Variants in DGKB observed in about 807,000 individuals in gnomAD.
DGKB encodes the protein diacylglycerol kinase beta.
Under a neutral mutation model 114.3 loss-of-function variants are expected in DGKB, and 67 were observed. The observed-to-expected ratio is 0.59, with a 90% confidence interval of 0.48 to 0.72. The LOEUF (loss-of-function observed/expected upper bound fraction) is 0.72, where lower values mean the gene tolerates loss of function less well. Ranked by LOEUF, DGKB falls within the 30% of genes least tolerant of loss-of-function variation. DGKB has a pLI of 0.00. For synonymous variants in DGKB, 398 were observed against 323.1 expected (o/e 1.23, Z -2.49); for missense variants, 907 against 975.2 (o/e 0.93, Z 0.93).
At chr7:14,682,887 G>A in intron 10 of DGKB, 46 bp from the exon 11 acceptor site, 1 of 1,353,526 alleles carries the variant, frequency 7.4e-7, no homozygotes, top group South Asian at 1.2e-5. Flanking sequence ...CCTGGTCCTG[G>A]TTGTAATTTT....
At chr7:14,220,607 C>A (rs1331885801) in intron 23 of DGKB, among the ~76,000 whole-genome samples, 2 of 151,428 alleles carry the variant, frequency 1.3e-5, no homozygotes, top group African/African-American at 4.8e-5. Flanking sequence ...TGGCCTGAAT[C>A]TCTTGCAATT....
chr7:14,170,555 A>T (rs970192990), intron 25 of DGKB, among the ~76,000 whole-genome samples: 2 of 152,098 alleles, frequency 1.3e-5, no homozygotes, highest in Non-Finnish European at 2.9e-5. Flanking sequence ...TGTCTAGTTG[A>T]TATTAACTTG....
chr7:14,701,734 G>C lies in DGKB; in HGVS notation c.467-4C>G, dbSNP rs1825218604. The C allele has an allele frequency of 2.5e-6, 4 of 1,602,190 alleles. No individual in the cohort carries two copies. Among genetic ancestry groups the C allele is most frequent in the African/African-American group, 2.7e-5 (2 of 74,802 alleles). On this transcript the variant is annotated splice_polypyrimidine_tract_variant and splice_region_variant and intron_variant, in intron 6 of 25. Coordinates refer to ENST00000402815, the MANE Select transcript of DGKB (RefSeq NM_001350709.2). ...GTGTCATAAAGGCGAAACATAACTA[G>C]AATGAAAGAGGTGTTGAAAACAAGA... is the stretch of plus-strand genomic sequence containing the variant.
intron 1 of DGKB, among the ~76,000 whole-genome samples, chr7:14,947,332 G>A (rs973647904): frequency 1.3e-5 from 2 of 151,604 alleles, no homozygotes; most frequent in Non-Finnish European, 3.0e-5. Context: ...AAACAAAACT[G>A]TTCTGTTAAG....
At chr7:14,919,299 C>A (rs1050320232) in intron 1 of DGKB, among the ~76,000 whole-genome samples, 1 of 151,750 alleles carries the variant, frequency 6.6e-6, no homozygotes, top group Admixed American at 6.6e-5. Context: ...CAACAGAGAG[C>A]CAAGAAATAC....
intron 20 of DGKB, among the ~76,000 whole-genome samples, chr7:14,486,842 G>T (rs990331000): frequency 6.6e-6 from 1 of 152,072 alleles, no homozygotes; most frequent in African/African-American, 2.4e-5. Context: ...TAATTAAGGT[G>T]ACCACCGGAG....
At chr7:14,914,907 G>A (rs1021630844) in intron 1 of DGKB, among the ~76,000 whole-genome samples, 3 of 151,996 alleles carry the variant, frequency 2.0e-5, no homozygotes, top group Non-Finnish European at 2.9e-5. Flanking sequence ...CTCATCCGTA[G>A]ACTGGACAGA....
intron 17 of DGKB, among the ~76,000 whole-genome samples, chr7:14,603,694 T>C (rs531465268): frequency 1.3e-5 from 2 of 152,144 alleles, no homozygotes; most frequent in Non-Finnish European, 2.9e-5. Flanking sequence ...TTCAGGTAGA[T>C]GGAAGCAAAG....
intron 12 of DGKB, among the ~76,000 whole-genome samples, chr7:14,679,891 A>T (rs1339354289): frequency 6.6e-6 from 1 of 152,006 alleles, no homozygotes; most frequent in East Asian, 1.9e-4. Flanking sequence ...CAAAATCAAT[A>T]ATTAAGTAAA....
rs1373063504 is a variant in DGKB, at chr7:14,447,319, A to T, written c.1835+30842T>A. On this transcript the variant is annotated intron_variant, in intron 21 of 25. Coordinates refer to ENST00000402815, the MANE Select transcript of DGKB (RefSeq NM_001350709.2). ...TAATAAATCCTACTCTGTCTTACTC[A>T]TTTTCTGGTGTCTGTGTGCCTTATT... is the stretch of plus-strand genomic sequence containing the variant. Among the ~76,000 whole-genome samples, 36 of 151,930 alleles carry T rather than the reference A, an allele frequency of 2.4e-4. 1 individual carries two copies. Among genetic ancestry groups the T allele is most frequent in the Admixed American group, 2.4e-3 (36 of 15,228 alleles).
rs557404867 is a variant in DGKB at position 14,308,156 on chromosome 7, C to T, written c.2122+30359G>A. On this transcript the variant is annotated intron_variant, in intron 23 of 25. Coordinates refer to ENST00000402815, the MANE Select transcript of DGKB (RefSeq NM_001350709.2). ...TTAAAAGAAAATCATAAAGATAACC[C>T]GTATAGTTTTATAGCAGGATTTCCT... Among the ~76,000 whole-genome samples the T allele has an allele frequency of 7.2e-5, 11 of 151,898 alleles. No homozygotes were observed. The South Asian group carries it at 1.7e-3, about 23-fold the overall frequency.
intron 20 of DGKB, among the ~76,000 whole-genome samples, chr7:14,513,358 A>C (rs1788271768): frequency 6.6e-6 from 1 of 152,010 alleles, no homozygotes; most frequent in Non-Finnish European, 1.5e-5. Flanking sequence ...ATATTTATGT[A>C]AACAGCTTAA....
chr7:14,641,478 T>C (rs1409834989), intron 13 of DGKB, among the ~76,000 whole-genome samples: 1 of 124,466 alleles, frequency 8.0e-6, no homozygotes, highest in Non-Finnish European at 1.7e-5. Flanking sequence ...GCAGTTAACA[T>C]TTTATCTTTC....
At chr7:14,400,299 C>T (rs1822902177) in intron 21 of DGKB, among the ~76,000 whole-genome samples, 1 of 151,772 alleles carries the variant, frequency 6.6e-6, no homozygotes, top group South Asian at 2.1e-4. Flanking sequence ...AGAAGTTAAG[C>T]AGTGATTCCT....
At chr7:14,743,174 GA>G (rs1832801215) in intron 4 of DGKB, among the ~76,000 whole-genome samples, 1 of 152,116 alleles carries the variant, frequency 6.6e-6, no homozygotes, top group African/African-American at 2.4e-5. Flanking sequence ...GGTTTCATTA[GA>G]AAATTGGGAT....
At chr7:14,817,141 A>T (rs1215332832) in intron 2 of DGKB, among the ~76,000 whole-genome samples, 1 of 152,204 alleles carries the variant, frequency 6.6e-6, no homozygotes, top group Non-Finnish European at 1.5e-5. Flanking sequence ...TGATTAGAAG[A>T]TCATCTTCCT....
upstream of DGKB, chr7:14,903,212 A>AGTGTGTGTGTGTGTGTGTGTGTGT (rs34367492): frequency 2.9e-5 from 4 of 137,408 alleles, no homozygotes; most frequent in Admixed American, 1.4e-4. Flanking sequence ...AAGTCTGTGC[A>AGTGTGTGTGTGTGTGTGTGTGTGT]GTGTGTGTGT....
intron 21 of DGKB, among the ~76,000 whole-genome samples, chr7:14,423,951 C>T (rs982222424): frequency 1.3e-5 from 2 of 152,066 alleles, no homozygotes; most frequent in Non-Finnish European, 2.9e-5. Context: ...CAGTAAAACT[C>T]ATTAATGTCA....
chr7:14,578,945 C>T (rs974776232), intron 19 of DGKB, among the ~76,000 whole-genome samples: 3 of 152,154 alleles, frequency 2.0e-5, no homozygotes, highest in African/African-American at 7.2e-5. Flanking sequence ...CCTAATTGCC[C>T]ACCATGCACT....
Sources: allele counts gnomAD v4.1 joint callset (sites outside exome capture counted in the v4.1 genomes callset), GRCh38; gene constraint gnomAD v4.1.1; transcripts MANE v1.5; gene names NCBI Gene and HGNC (gene_info 2026-07-23, HGNC 2026-07-21).